Variants in PRCP observed in about 807,000 individuals in gnomAD.
PRCP encodes prolylcarboxypeptidase.
Under a neutral mutation model 54.2 loss-of-function variants are expected in PRCP, and 46 were observed. The ratio of observed to expected loss-of-function variants is 0.85; its 90% CI spans 0.67 to 1.09. The LOEUF (loss-of-function observed/expected upper bound fraction) is 1.09, where lower values mean the gene tolerates loss of function less well. Ranked by LOEUF, PRCP falls within the 50% of genes least tolerant of loss-of-function variation. The probability of loss-of-function intolerance (pLI) is 0.00; values close to 1 mark genes in which losing one functional copy is unlikely to be tolerated. For missense variants in PRCP, 613 were observed against 596.8 expected (o/e 1.03, Z -0.28); for synonymous variants, 240 against 212.2 (o/e 1.13, Z -1.14).
chr11:82,853,355 G>A lies in PRCP; in HGVS notation c.310-77C>T, dbSNP rs186163944. ...CACTGAACCTTTTGGCAAACCATATGGAATAGATGTTAAGCCAGAACAAAA... is the reference window on the plus strand; with the variant it reads ...CACTGAACCTTTTGGCAAACCATATAGAATAGATGTTAAGCCAGAACAAAA... On this transcript the variant is annotated intron_variant, in intron 2 of 8. Coordinates refer to ENST00000313010, the MANE Select transcript of PRCP (RefSeq NM_005040.4). 4.1e-5 allele frequency: 49 copies of A among 1,182,208 alleles called. No individual in the cohort carries two copies. In the East Asian group the frequency reaches 1.2e-3, roughly 29 times the overall value. The allele number at this position is 1,182,208 out of a possible 1,614,324, so 73.2% of individuals were successfully genotyped here.
intron 7 of PRCP, among the ~76,000 whole-genome samples, chr11:82,839,023 T>C (rs1330905288): frequency 6.6e-6 from 1 of 152,232 alleles, no homozygotes; most frequent in African/African-American, 2.4e-5. Flanking sequence ...TTTATCTTTG[T>C]ATCTTTGAAA....
chr11:82,827,796 A>T (rs1042293556), intron 8 of PRCP: 3 of 151,900 alleles, frequency 2.0e-5, no homozygotes, highest in Non-Finnish European at 2.9e-5. Flanking sequence ...CTATTTTTTT[A>T]AAAAAAAGTC....
At chr11:82,897,696 C>T (rs975954817) in intron 1 of PRCP, among the ~76,000 whole-genome samples, 33 of 152,142 alleles carry the variant, frequency 2.2e-4, no homozygotes, top group African/African-American at 7.0e-4. Context: ...AAAGTTGGAA[C>T]GACCAGCTAG....
chr11:82,834,775 A>G (rs1858477100), intron 8 of PRCP, among the ~76,000 whole-genome samples: 1 of 152,326 alleles, frequency 6.6e-6, no homozygotes, highest in East Asian at 1.9e-4. Context: ...GAAAGAGAGC[A>G]TTAAGAAAAA....
At chr11:82,854,321 T>G (rs1314347619) in intron 2 of PRCP, among the ~76,000 whole-genome samples, 2 of 152,150 alleles carry the variant, frequency 1.3e-5, no homozygotes, top group African/African-American at 4.8e-5. Flanking sequence ...ATTATCAAAT[T>G]TAATGTATAA....
intron 2 of PRCP, among the ~76,000 whole-genome samples, chr11:82,854,548 A>T (rs1859034764): frequency 2.0e-5 from 3 of 152,246 alleles, no homozygotes; most frequent in African/African-American, 7.2e-5. Flanking sequence ...ATACATAGGA[A>T]GAATCAATAT....
At chr11:82,870,889 T>C (rs1017347062) in intron 1 of PRCP, among the ~76,000 whole-genome samples, 12 of 152,164 alleles carry the variant, frequency 7.9e-5, no homozygotes, top group Non-Finnish European at 1.3e-4. Context: ...AGCCTGAATA[T>C]GCCCAGAGCT....
At chr11:82,833,787 G>A (rs149275339) in intron 8 of PRCP, among the ~76,000 whole-genome samples, 85 of 152,242 alleles carry the variant, frequency 5.6e-4, no homozygotes, top group African/African-American at 2.0e-3. Context: ...CAAAGGATAA[G>A]ACTGAGAATC....
chr11:82,824,735 A>G lies in PRCP; in HGVS notation c.*171T>C. On this transcript the variant is annotated 3_prime_UTR_variant, in exon 9 of 9. Transcript: ENST00000313010. ...AAAGACAGTGAGAACCCAGGAAATC[A>G]CATTCATGGGACACTTGCTCTTACC... 1.5e-6 allele frequency: 1 copy of G among 664,336 alleles called. No individual in the cohort carries two copies. The highest frequency in any genetic ancestry group is 2.9e-5 in the Admixed American group (1 of 34,884). 41.2% of individuals were successfully genotyped at this position (664,336 alleles called of 1,614,324 possible).
intron 5 of PRCP, among the ~76,000 whole-genome samples, 170 bp downstream of exon 5, chr11:82,849,744 C>T (rs1343201979): frequency 6.6e-6 from 1 of 152,114 alleles, no homozygotes; most frequent in Non-Finnish European, 1.5e-5. Flanking sequence ...TGTGTCCTTG[C>T]TTTGTGAAAA....
chr11:82,866,485 T>A (rs991048455), intron 1 of PRCP, among the ~76,000 whole-genome samples: 1 of 152,174 alleles, frequency 6.6e-6, no homozygotes, highest in Non-Finnish European at 1.5e-5. Flanking sequence ...ATTCCCTGAC[T>A]CCTATGCTTT....
chr11:82,866,544 A>C (rs924061070), intron 1 of PRCP, among the ~76,000 whole-genome samples: 54 of 152,106 alleles, frequency 3.6e-4, no homozygotes, highest in African/African-American at 1.2e-3. Flanking sequence ...CTTAGAAATA[A>C]ATTTATTTAA....
chr11:82,824,927 G>A lies in PRCP; in HGVS notation c.1470C>T (p.Asp490=). Residue 490 remains aspartate, a synonymous_variant, in exon 9 of 9, where the codon GAC becomes GAT. Coordinates refer to ENST00000313010, the MANE Select transcript of PRCP (RefSeq NM_005040.4). ...TTTCTCAGTGCTGCTTTCCCGCACTGTCATAGAAATCTCTGATCCAATTCT... is the reference window on the plus strand; with the variant it reads ...TTTCTCAGTGCTGCTTTCCCGCACTATCATAGAAATCTCTGATCCAATTCT... ...HMKNWIRDFY[D]SAGKQH 6.2e-7 allele frequency: 1 copy of A among 1,614,020 alleles called. No individual in the cohort carries two copies. The highest frequency in any genetic ancestry group is 8.5e-7 in the Non-Finnish European group (1 of 1,179,938).
chr11:82,839,901 C>A (rs1035856484), intron 6 of PRCP: 1 of 175,690 alleles, frequency 5.7e-6, no homozygotes, highest in Middle Eastern at 2.5e-3. Context: ...AAGAATTAAA[C>A]CTCTCCCTTC....
At chr11:82,845,411 A>G (rs1220869772) in intron 6 of PRCP, among the ~76,000 whole-genome samples, 1 of 152,142 alleles carries the variant, frequency 6.6e-6, no homozygotes, top group Non-Finnish European at 1.5e-5. Context: ...AAAAAGACCA[A>G]TCTCCTCTCA....
chr11:82,883,999 C>T (rs997490815), intron 1 of PRCP, among the ~76,000 whole-genome samples: 3 of 152,280 alleles, frequency 2.0e-5, no homozygotes, highest in East Asian at 1.9e-4. Flanking sequence ...GTATGAGCTG[C>T]TCCCTCAAAG....
At position 82,842,034 on chromosome 11, in the gene PRCP, C is replaced by T. The variant is rs1033108652; in HGVS notation, c.922-2609G>A. Among the ~76,000 whole-genome samples the T allele has an allele frequency of 3.3e-5, 5 of 152,062 alleles. No homozygotes were observed. The East Asian group carries it at 9.6e-4, about 29-fold the overall frequency. On this transcript the variant is annotated intron_variant, in intron 6 of 8. Coordinates refer to ENST00000313010, the MANE Select transcript of PRCP (RefSeq NM_005040.4). The stretch of plus-strand genomic sequence containing the variant: ...GGACAGCATGGTAGATGGGGAAGGG[C>T]GACAATGCAAGCTGGGCAGGGGGAG...
At chr11:82,853,333 T>C (rs1189689058) in intron 2 of PRCP, 55 bp from the exon 3 acceptor site, 1 of 1,479,950 alleles carries the variant, frequency 6.8e-7, no homozygotes, top group African/African-American at 1.4e-5. Flanking sequence ...AAAAAGTCAC[T>C]GAACCTTTTG....
chr11:82,868,529 C>G (rs563937795), intron 1 of PRCP, among the ~76,000 whole-genome samples: 19 of 152,304 alleles, frequency 1.2e-4, no homozygotes, highest in African/African-American at 4.6e-4. Context: ...AGTCACCACC[C>G]TGCCTGAGGA....
Sources: allele counts gnomAD v4.1 joint callset (sites outside exome capture counted in the v4.1 genomes callset), GRCh38; gene constraint gnomAD v4.1.1; transcripts MANE v1.5; gene names NCBI Gene and HGNC (gene_info 2026-07-23, HGNC 2026-07-21).